CDC14A: variants seen among roughly 807,000 people sequenced by gnomAD.
CDC14A encodes the protein cell division cycle 14A, also known as dual specificity protein phosphatase CDC14A.
CDC14A carries 53 observed loss-of-function variants against 74.4 expected under a neutral mutation model. The observed-to-expected ratio is 0.71, with a 90% CI of 0.57 to 0.89. The LOEUF is 0.89. Ranked by LOEUF, CDC14A falls within the 40% of genes least tolerant of loss-of-function variation. The pLI is 0.00. For missense variants in CDC14A, 646 were observed against 713.7 expected, an observed-to-expected ratio of 0.91 and a Z score of 1.08; for synonymous variants, 247 against 258.4, an observed-to-expected ratio of 0.96 and a Z score of 0.43.
chr1:100,493,503 C>T (rs969575630), intron 11 of CDC14A, among the ~76,000 whole-genome samples: 1 of 152,228 alleles, frequency 6.6e-6, no homozygotes, highest in South Asian at 2.1e-4. Flanking sequence ...AAGTTCCTCC[C>T]CCATTGGGGT....
intron 7 of CDC14A, among the ~76,000 whole-genome samples, chr1:100,448,103 T>C (rs1417305867): frequency 6.6e-6 from 1 of 152,160 alleles, no homozygotes; most frequent in Non-Finnish European, 1.5e-5. Flanking sequence ...CATCGGAGGT[T>C]CCTCATCACT....
intron 4 of CDC14A, among the ~76,000 whole-genome samples, chr1:100,411,122 T>C (rs1395701465): frequency 6.6e-6 from 1 of 152,182 alleles, no homozygotes; most frequent in African/African-American, 2.4e-5. Flanking sequence ...ACCATACTGG[T>C]AAACCTGGAT....
At chr1:100,501,910 TA>T (rs1453367117) in intron 15 of CDC14A, among the ~76,000 whole-genome samples, 1 of 151,564 alleles carries the variant, frequency 6.6e-6, no homozygotes, top group African/African-American at 2.4e-5. Context: ...ATATTTAAAA[TA>T]AAAAAAATAG....
rs1192514769 is a variant in CDC14A at position 100,494,819 on chromosome 1, A to G, written c.1139A>G (p.Asp380Gly). The G allele has an allele frequency of 6.3e-7, 1 of 1,593,332 alleles. No homozygotes were observed. The highest frequency in any genetic ancestry group is 1.7e-5 in the Admixed American group (1 of 59,304). Residue 380 changes from aspartate to glycine, a missense_variant and splice_region_variant, in exon 12 of 16, where the codon GAT becomes GGT. Asp to Gly is a moderately conservative substitution (Grantham distance 94, BLOSUM62 -1). Coordinates refer to ENST00000336454, the MANE Select transcript of CDC14A (RefSeq NM_003672.4). Reference sequence around the variant, plus strand: ...TATGGAACGTGTATTTTTTTCCAGGATAACTTAGAAGATGATGATGTGGAA... The same window carrying G: ...TATGGAACGTGTATTTTTTTCCAGGGTAACTTAGAAGATGATGATGTGGAA... Reference protein sequence around the residue: ...KTQNMERFGEDNLEDDDVEMK... With the variant: ...KTQNMERFGEGNLEDDDVEMK...
chr1:100,435,268 G>A (rs931791802), intron 5 of CDC14A, among the ~76,000 whole-genome samples: 1 of 152,208 alleles, frequency 6.6e-6, no homozygotes, highest in African/African-American at 2.4e-5. Context: ...CAGGAACCAA[G>A]AGAAGAGAGC....
chr1:100,479,108 T>C (rs1669201088), intron 10 of CDC14A, among the ~76,000 whole-genome samples: 1 of 152,214 alleles, frequency 6.6e-6, no homozygotes. Flanking sequence ...TGGATTGAGC[T>C]AGATCAGAAA....
At chr1:100,412,713 T>TATATATATATATATATATATATATATAAA (rs1557732035) in intron 4 of CDC14A, among the ~76,000 whole-genome samples, 2 of 102,266 alleles carry the variant, frequency 2.0e-5, no homozygotes, top group Non-Finnish European at 3.5e-5. Flanking sequence ...TATATATATA[T>TATATATATATATATATATATATATATAAA]ATATATATAT....
intron 15 of CDC14A, among the ~76,000 whole-genome samples, chr1:100,509,262 A>G (rs529849876): frequency 9.2e-4 from 140 of 152,232 alleles, no homozygotes; most frequent in African/African-American, 3.0e-3. Flanking sequence ...TCACCAGACC[A>G]TAGCAATCAT....
rs1275921406 is a variant in CDC14A, at chr1:100,459,086, AACACACACACACACGC to A, written c.608-3550_608-3535del. Among the ~76,000 whole-genome samples, 829 of 129,290 alleles carry A rather than the reference AACACACACACACACGC, an allele frequency of 6.4e-3. 16 individuals carry two copies. Among genetic ancestry groups the A allele is most frequent in the African/African-American group, 0.028 (803 of 28,220 alleles). The allele number at this position is 129,290 out of a possible 152,430, so 84.8% of individuals were successfully genotyped here. ...TCACTGTCATTCTCACTTCTATTTA[AACACACACACACACGC>A]ACACACACACACACACACACACACA... is the stretch of plus-strand genomic sequence containing the variant. On this transcript the variant is annotated intron_variant, in intron 8 of 15. Coordinates refer to ENST00000336454, the MANE Select transcript of CDC14A (RefSeq NM_003672.4).
At position 100,406,454 on chromosome 1, in the gene CDC14A, CCCTG is replaced by C. The variant is rs1405093881; in HGVS notation, c.309+15634_309+15637del. 5.3e-5 allele frequency among the ~76,000 whole-genome samples: 8 copies of C among 152,012 alleles called. No individual in the cohort carries two copies. The East Asian group carries it at 1.5e-3, about 29-fold the overall frequency. Reference sequence around the variant, plus strand: ...GTATTTTCATCATGAAGTCTTTGCCCCCTGCCTATGTCCTGAATGGTATTACATA... The same window carrying C: ...GTATTTTCATCATGAAGTCTTTGCCCCCTATGTCCTGAATGGTATTACATA... On this transcript the variant is annotated intron_variant, in intron 4 of 15. Transcript: ENST00000336454.
chr1:100,465,499 C>T (rs1170673112), intron 9 of CDC14A, among the ~76,000 whole-genome samples: 1 of 152,122 alleles, frequency 6.6e-6, no homozygotes, highest in Non-Finnish European at 1.5e-5. Flanking sequence ...TTGACATCTG[C>T]CCTAATTAAG....
chr1:100,389,884 A>G (rs1461436710), intron 3 of CDC14A, among the ~76,000 whole-genome samples: 1 of 152,190 alleles, frequency 6.6e-6, no homozygotes, highest in African/African-American at 2.4e-5. Context: ...GTCAAAATAC[A>G]TAAATTTTGA....
intron 4 of CDC14A, among the ~76,000 whole-genome samples, chr1:100,411,217 G>T (rs1045908809): frequency 1.9e-4 from 29 of 152,072 alleles, no homozygotes. Context: ...CTCTACCTTC[G>T]CAGCCCTCAG....
At chr1:100,366,669 T>C (rs1653671484) in intron 2 of CDC14A, among the ~76,000 whole-genome samples, 1 of 152,216 alleles carries the variant, frequency 6.6e-6, no homozygotes. Flanking sequence ...TTTGTTCTCC[T>C]GGTAAGGAGA....
intron 6 of CDC14A, among the ~76,000 whole-genome samples, chr1:100,440,596 A>T (rs1311146608): frequency 6.6e-6 from 1 of 152,200 alleles, no homozygotes; most frequent in Non-Finnish European, 1.5e-5. Context: ...TATACTGTAA[A>T]TTCTAATGAG....
Position 100,390,827 on chromosome 1 carries a change from A to G in CDC14A, c.309+3A>G, listed in dbSNP as rs779794065. ...CATTTTTGATAGGTGCCTATGCAGT[A>G]AGTACCTTCTTCATGATTATTTTCT... is the stretch of plus-strand genomic sequence containing the variant. On this transcript the variant is annotated splice_donor_region_variant and intron_variant, in intron 4 of 15. Transcript: ENST00000336454. The G allele has an allele frequency of 6.3e-6, 10 of 1,597,696 alleles. No individual in the cohort carries two copies. Among genetic ancestry groups the G allele is most frequent in the East Asian group, 4.5e-5 (2 of 44,738 alleles).
chr1:100,420,005 T>TATATATACATATATGTATAC (rs1662063991), intron 4 of CDC14A, among the ~76,000 whole-genome samples: 1 of 110,994 alleles, frequency 9.0e-6, no homozygotes, highest in Non-Finnish European at 1.8e-5. Flanking sequence ...TAAATATATA[T>TATATATACATATATGTATAC]ATATATACAT....
At chr1:100,439,679 A>T (rs1257399833) in intron 5 of CDC14A, among the ~76,000 whole-genome samples, 1 of 152,234 alleles carries the variant, frequency 6.6e-6, no homozygotes, top group Non-Finnish European at 1.5e-5. Flanking sequence ...ACCTGGTTGA[A>T]TTGGAAGTGG....
At chr1:100,432,717 A>C (rs1663847379) in intron 5 of CDC14A, among the ~76,000 whole-genome samples, 1 of 152,214 alleles carries the variant, frequency 6.6e-6, no homozygotes, top group Admixed American at 6.5e-5. Context: ...ATACACTACT[A>C]AAATTTACTT....
Sources: gnomAD v4.1 joint callset for allele counts (sites outside exome capture counted in the v4.1 genomes callset) on GRCh38, gnomAD v4.1.1 for gene constraint, MANE v1.5 for transcripts, NCBI Gene and HGNC (gene_info 2026-07-23, HGNC 2026-07-21) for gene names.